Variants in CHST9 observed in about 807,000 individuals in gnomAD.
The protein encoded by CHST9 is GalNAc-4-sulfotransferase 2.
A neutral mutation model predicts 44.4 loss-of-function variants in CHST9; 41 were observed. That is an observed-to-expected ratio of 0.92 (90% CI 0.72 to 1.20). The LOEUF (loss-of-function observed/expected upper bound fraction) is 1.20, where lower values mean the gene tolerates loss of function less well. Ranked by LOEUF, CHST9 falls within the 50% of genes most tolerant of loss-of-function variation. The pLI is 0.00. For missense variants in CHST9, 504 were observed against 516.5 expected (o/e 0.98, Z 0.23); for synonymous variants, 171 against 178.4 (o/e 0.96, Z 0.33).
At chr18:27,087,941 T>C (rs1011545937) in intron 2 of CHST9, among the ~76,000 whole-genome samples, 2 of 152,190 alleles carry the variant, frequency 1.3e-5, no homozygotes, top group Non-Finnish European at 2.9e-5. Context: ...AAGAAGATCA[T>C]GTTAAAAATT....
intron 3 of CHST9, among the ~76,000 whole-genome samples, chr18:27,045,048 A>C (rs1482518629): frequency 6.8e-6 from 1 of 146,774 alleles, no homozygotes; most frequent in African/African-American, 2.6e-5. Context: ...TGAGTTGAGA[A>C]AAAAAAAAAA....
At chr18:27,184,195 G>C (rs971897866) in intron 1 of CHST9, among the ~76,000 whole-genome samples, 7 of 152,126 alleles carry the variant, frequency 4.6e-5, no homozygotes, top group African/African-American at 1.7e-4. Flanking sequence ...CACACATTGT[G>C]TATTATTCAC....
intron 2 of CHST9, among the ~76,000 whole-genome samples, chr18:27,129,204 AACAG>A (rs1174123746): frequency 6.6e-6 from 1 of 152,190 alleles, no homozygotes; most frequent in East Asian, 1.9e-4. Flanking sequence ...AGGGAAAAAT[AACAG>A]ACAGAACACT....
At chr18:27,169,598 CTTTTT>C (rs1156859087) in intron 1 of CHST9, among the ~76,000 whole-genome samples, 1 of 82,160 alleles carries the variant, frequency 1.2e-5, no homozygotes. Flanking sequence ...ATATATTCTT[CTTTTT>C]TTTTTTTTTT....
chr18:27,083,710 G>A (rs1470035441), intron 2 of CHST9, among the ~76,000 whole-genome samples: 1 of 152,030 alleles, frequency 6.6e-6, no homozygotes, highest in African/African-American at 2.4e-5. Context: ...AAATGCAGAT[G>A]CCTAGAACTC....
At chr18:27,108,878 C>T (rs933179651) in intron 2 of CHST9, among the ~76,000 whole-genome samples, 1 of 152,124 alleles carries the variant, frequency 6.6e-6, no homozygotes, top group Non-Finnish European at 1.5e-5. Context: ...GTGGAGTGAA[C>T]TGAAACTTTA....
intron 2 of CHST9, among the ~76,000 whole-genome samples, chr18:27,098,266 T>C (rs2058136947): frequency 6.6e-6 from 1 of 151,848 alleles, no homozygotes; most frequent in Non-Finnish European, 1.5e-5. Context: ...AGATACCATC[T>C]CACGTCACTT....
At chr18:27,026,312 T>C (rs1173302068) in intron 3 of CHST9, among the ~76,000 whole-genome samples, 4 of 152,146 alleles carry the variant, frequency 2.6e-5, no homozygotes, top group African/African-American at 9.6e-5. Flanking sequence ...CCCACTATAG[T>C]AAACTTATTG....
At chr18:27,168,077 A>ATT (rs55651220) in intron 1 of CHST9, among the ~76,000 whole-genome samples, 99,704 of 139,944 alleles carry the variant, frequency 0.71, 36,486 homozygotes, top group East Asian at 0.9. Context: ...GATTATACCT[A>ATT]TTTTTTTTTT....
At chr18:26,976,989 G>C (rs1358230821) in intron 4 of CHST9, among the ~76,000 whole-genome samples, 1 of 151,164 alleles carries the variant, frequency 6.6e-6, no homozygotes, top group Non-Finnish European at 1.5e-5. Flanking sequence ...GGAAAAACAT[G>C]AGTGAGAGAT....
intron 4 of CHST9, among the ~76,000 whole-genome samples, chr18:27,000,435 T>C (rs184108465): frequency 2.8e-4 from 43 of 152,370 alleles, no homozygotes; most frequent in Non-Finnish European, 4.9e-4. Flanking sequence ...ATGCCTTGCT[T>C]TCAGCTAACT....
intron 4 of CHST9, among the ~76,000 whole-genome samples, chr18:26,975,723 GTGTATATATATATATATATATA>G (rs1447337187): frequency 1.7e-5 from 1 of 59,352 alleles, no homozygotes; most frequent in Non-Finnish European, 3.2e-5. Context: ...GTGTGTGTGT[GTGTATATATATATATATATATA>G]TATATATATA....
chr18:27,075,329 C>A (rs2057892310), intron 2 of CHST9, among the ~76,000 whole-genome samples: 1 of 151,924 alleles, frequency 6.6e-6, no homozygotes, highest in Admixed American at 6.6e-5. Flanking sequence ...AAGATACACA[C>A]AAACACACAC....
chr18:26,947,648 A>C (rs1047245028), intron 4 of CHST9, among the ~76,000 whole-genome samples: 2 of 152,244 alleles, frequency 1.3e-5, no homozygotes, highest in Admixed American at 6.5e-5. Flanking sequence ...ATATGAAAAA[A>C]GCTCATCATC....
At chr18:27,101,410 T>C (rs2058170077) in intron 2 of CHST9, among the ~76,000 whole-genome samples, 1 of 149,634 alleles carries the variant, frequency 6.7e-6, no homozygotes, top group South Asian at 2.1e-4. Context: ...GCTAACACGG[T>C]GAAACCCCCT....
rs181957207 is a variant in CHST9 at position 27,087,441 on chromosome 18, G to A, written c.122-38938C>T. Among the ~76,000 whole-genome samples, 548 of 152,052 alleles carry A rather than the reference G, an allele frequency of 3.6e-3. 9 individuals carry two copies. The highest frequency in any genetic ancestry group is 0.026 in the Admixed American group (400 of 15,262). ...ATTGAGTCTCTTTGCCCTTTTGGAT[G>A]GTTTCCAACTGTAGATTGCAGTAAA... is the stretch of plus-strand genomic sequence containing the variant. On this transcript the variant is annotated intron_variant, in intron 2 of 5. Coordinates refer to ENST00000618847, the MANE Select transcript of CHST9 (RefSeq NM_031422.6).
chr18:26,966,436 T>A (rs1037914871), intron 4 of CHST9, among the ~76,000 whole-genome samples: 1 of 152,162 alleles, frequency 6.6e-6, no homozygotes. Flanking sequence ...ATAATCTAGA[T>A]CTTTGGGGAT....
chr18:26,979,505 C>T (rs2056665793), intron 4 of CHST9, among the ~76,000 whole-genome samples: 1 of 152,098 alleles, frequency 6.6e-6, no homozygotes, highest in Non-Finnish European at 1.5e-5. Flanking sequence ...ATTCAAAACT[C>T]ATGTTCTTCC....
chr18:27,013,326 AAC>A (rs1261653853), intron 4 of CHST9, among the ~76,000 whole-genome samples: 1 of 152,252 alleles, frequency 6.6e-6, no homozygotes, highest in Non-Finnish European at 1.5e-5. Context: ...CTTTACGCAC[AAC>A]ATTGGCAGAT....
Sources: gnomAD v4.1 joint callset for allele counts (sites outside exome capture counted in the v4.1 genomes callset) on GRCh38, gnomAD v4.1.1 for gene constraint, MANE v1.5 for transcripts, NCBI Gene and HGNC (gene_info 2026-07-23, HGNC 2026-07-21) for gene names.